ADAMTSL1: variants seen among roughly 807,000 people sequenced by gnomAD.
The protein encoded by ADAMTSL1 is ADAMTS like 1.
ADAMTSL1 carries 126 observed loss-of-function variants against 201.8 expected under a neutral mutation model. The ratio of observed to expected loss-of-function variants is 0.62; its 90% CI spans 0.54 to 0.72. The LOEUF is 0.72. Among genes scored for constraint, ADAMTSL1 ranks in the 30% least tolerant of loss-of-function variants. The pLI, the probability that ADAMTSL1 is intolerant of heterozygous loss-of-function variation, is 0.00. For synonymous variants in ADAMTSL1, 1,121 were observed against 903.4 expected, an observed-to-expected ratio of 1.24 and a Z score of -4.32; for missense variants, 2,679 against 2,277.8, an observed-to-expected ratio of 1.18 and a Z score of -3.59.
chr9:18,303,618 G>T (rs1345032117), intron 2 of ADAMTSL1, among the ~76,000 whole-genome samples: 1 of 152,152 alleles, frequency 6.6e-6, no homozygotes, highest in Non-Finnish European at 1.5e-5. Context: ...GAATGAGGGA[G>T]CTCTAAGGGA....
chr9:17,989,887 A>G (rs1819081534), intron 1 of ADAMTSL1, among the ~76,000 whole-genome samples: 1 of 151,772 alleles, frequency 6.6e-6, no homozygotes, highest in South Asian at 2.1e-4. Context: ...CTAAGGGGCA[A>G]ATGGTTTTGA....
At chr9:18,405,545 AG>A (rs1818155530) in intron 2 of ADAMTSL1, among the ~76,000 whole-genome samples, 1 of 151,618 alleles carries the variant, frequency 6.6e-6, no homozygotes, top group South Asian at 2.1e-4. Context: ...TTGACGTGAG[AG>A]GAGGGAAAAA....
intron 2 of ADAMTSL1, among the ~76,000 whole-genome samples, chr9:18,271,079 A>T (rs943998544): frequency 6.6e-6 from 1 of 152,206 alleles, no homozygotes; most frequent in Non-Finnish European, 1.5e-5. Context: ...TGTTGTAAAC[A>T]GTGGAATTTG....
intron 1 of ADAMTSL1, among the ~76,000 whole-genome samples, chr9:18,162,402 A>G (rs1387308613): frequency 6.6e-6 from 1 of 152,016 alleles, no homozygotes; most frequent in African/African-American, 2.4e-5. Flanking sequence ...TCTTAATTAC[A>G]TCTGCAAAGT....
At chr9:17,939,280 C>G (rs896728717) in intron 1 of ADAMTSL1, among the ~76,000 whole-genome samples, 1 of 123,404 alleles carries the variant, frequency 8.1e-6, no homozygotes, top group Non-Finnish European at 1.7e-5. Flanking sequence ...CTTGCAAAGC[C>G]TCCCTTCATT....
At chr9:18,051,914 G>T (rs968831710) in intron 1 of ADAMTSL1, among the ~76,000 whole-genome samples, 3 of 152,234 alleles carry the variant, frequency 2.0e-5, no homozygotes, top group African/African-American at 7.2e-5. Context: ...TCTTTGGTTA[G>T]AAGTGTTTCT....
chr9:18,849,974 G>T (rs894050955), intron 23 of ADAMTSL1, among the ~76,000 whole-genome samples: 1 of 152,166 alleles, frequency 6.6e-6, no homozygotes, highest in African/African-American at 2.4e-5. Flanking sequence ...CCACAGAAAG[G>T]AATACAGCAG....
chr9:18,029,168 T>C (rs916831448), intron 1 of ADAMTSL1, among the ~76,000 whole-genome samples: 42 of 152,268 alleles, frequency 2.8e-4, no homozygotes, highest in South Asian at 2.3e-3. Context: ...TGGGCTGAGA[T>C]GATGGGGTTT....
chr9:18,468,346 C>G (rs1161953039), intron 2 of ADAMTSL1, among the ~76,000 whole-genome samples: 1 of 152,118 alleles, frequency 6.6e-6, no homozygotes, highest in African/African-American at 2.4e-5. Flanking sequence ...GTTTTGGGGA[C>G]AAGTATCTTT....
chr9:18,172,012 CCTAA>C (rs1444851600), intron 2 of ADAMTSL1, among the ~76,000 whole-genome samples: 1 of 151,566 alleles, frequency 6.6e-6, no homozygotes, highest in Non-Finnish European at 1.5e-5. Context: ...ATCATTCACA[CCTAA>C]CTAACACAAG....
intron 16 of ADAMTSL1, among the ~76,000 whole-genome samples, chr9:18,769,148 C>G (rs1820537394): frequency 6.6e-6 from 1 of 152,154 alleles, no homozygotes; most frequent in Admixed American, 6.5e-5. Context: ...TATGTTCTGA[C>G]TGTACCCAAG....
chr9:18,902,930 C>T (rs1830091931), intron 26 of ADAMTSL1, among the ~76,000 whole-genome samples: 1 of 152,186 alleles, frequency 6.6e-6, no homozygotes. Context: ...ATTGGCCAGG[C>T]ACGGTGGCTC....
At chr9:18,047,112 A>G (rs1037729404) in intron 1 of ADAMTSL1, among the ~76,000 whole-genome samples, 9 of 152,186 alleles carry the variant, frequency 5.9e-5, no homozygotes, top group African/African-American at 2.2e-4. Context: ...AATTCAGGAG[A>G]TGTTACTACA....
intron 13 of ADAMTSL1, among the ~76,000 whole-genome samples, chr9:18,691,088 C>G (rs1285051392): frequency 6.6e-6 from 1 of 152,168 alleles, no homozygotes; most frequent in Non-Finnish European, 1.5e-5. Flanking sequence ...AAGAAATGAG[C>G]TAGCTGTCTT....
Position 18,417,931 on chromosome 9 carries a change from T to C in ADAMTSL1, c.208-86898T>C, listed in dbSNP as rs529424137. 1.1e-4 allele frequency among the ~76,000 whole-genome samples: 17 copies of C among 152,206 alleles called. No individual in the cohort carries two copies. The South Asian group carries it at 1.5e-3, about 13-fold the overall frequency. On this transcript the variant is annotated intron_variant, in intron 2 of 29. Transcript: ENST00000680146. ...ACAAAGATAATAAAAAATAACACTATAGAGCACAAAAATTCTCAACAAAAT... is the reference window on the plus strand; with the variant it reads ...ACAAAGATAATAAAAAATAACACTACAGAGCACAAAAATTCTCAACAAAAT...
At chr9:18,577,755 C>T (rs554456721) in intron 4 of ADAMTSL1, among the ~76,000 whole-genome samples, 31 of 152,088 alleles carry the variant, frequency 2.0e-4, no homozygotes, top group East Asian at 1.7e-3. Flanking sequence ...ATAACTGTAA[C>T]GTTTCAAAAA....
chr9:18,220,441 A>C (rs1236089497), intron 2 of ADAMTSL1, among the ~76,000 whole-genome samples: 23 of 152,018 alleles, frequency 1.5e-4, no homozygotes, highest in Admixed American at 1.4e-3. Flanking sequence ...AGCTATACAA[A>C]CTTTTTATTG....
At chr9:18,648,724 C>A (rs1273017065) in intron 7 of ADAMTSL1, among the ~76,000 whole-genome samples, 1 of 151,958 alleles carries the variant, frequency 6.6e-6, no homozygotes, top group African/African-American at 2.4e-5. Flanking sequence ...TCCCCACTGT[C>A]TTCTGGCTTG....
chr9:18,499,387 G>T (rs1822712156), intron 1 of ADAMTSL1, among the ~76,000 whole-genome samples: 2 of 152,218 alleles, frequency 1.3e-5, no homozygotes, highest in Non-Finnish European at 2.9e-5. Flanking sequence ...CATACAGTTG[G>T]CGGCAGAACC....
Sources: allele counts gnomAD v4.1 joint callset (sites outside exome capture counted in the v4.1 genomes callset), GRCh38; gene constraint gnomAD v4.1.1; transcripts MANE v1.5; gene names NCBI Gene and HGNC (gene_info 2026-07-23, HGNC 2026-07-21).